The following DNAI4 variants were observed in gnomAD, a reference collection of about 807,000 sequenced individuals.
The protein encoded by DNAI4 is WD repeat domain 78.
DNAI4 carries 85 observed loss-of-function variants against 105.8 expected under a neutral mutation model. The observed-to-expected ratio is 0.80, with a 90% CI of 0.67 to 0.96. DNAI4 has a LOEUF of 0.96. Ranked by LOEUF, DNAI4 falls within the 40% of genes least tolerant of loss-of-function variation. The probability of loss-of-function intolerance (pLI) is 0.00; values close to 1 mark genes in which losing one functional copy is unlikely to be tolerated. For synonymous variants in DNAI4, 352 were observed against 331.5 expected (o/e 1.06, Z -0.67); for missense variants, 1,014 against 1,005.6 (o/e 1.01, Z -0.11).
At chr1:66,875,260 A>AT (rs1439659929) in intron 4 of DNAI4, among the ~76,000 whole-genome samples, 1 of 152,180 alleles carries the variant, frequency 6.6e-6, no homozygotes, top group African/African-American at 2.4e-5. Flanking sequence ...CTACTCAAGA[A>AT]TATGGAGGCA....
intron 1 of DNAI4, among the ~76,000 whole-genome samples, chr1:66,911,582 AC>A (rs1649660076): frequency 1.3e-5 from 2 of 152,238 alleles, no homozygotes; most frequent in Admixed American, 1.3e-4. Flanking sequence ...TCATTAGCAT[AC>A]AAAAAGACAA....
At position 66,871,282 on chromosome 1, in the gene DNAI4, T is replaced by C. The variant is rs1001125302; in HGVS notation, c.940+88A>G. 271 of 1,245,404 alleles carry C rather than the reference T, an allele frequency of 2.2e-4. 1 individual carries two copies. Among genetic ancestry groups the C allele is most frequent in the Non-Finnish European group, 2.0e-4 (188 of 919,270 alleles). The allele number at this position is 1,245,404 out of a possible 1,614,324, so 77.1% of individuals were successfully genotyped here. On this transcript the variant is annotated intron_variant, in intron 6 of 16. Coordinates refer to ENST00000371026, the MANE Select transcript of DNAI4 (RefSeq NM_024763.5). ...CCAAATTATTTTTATTTTTGCTTTA[T>C]ACATTTCAATATTCACTTGTCGATT...
intron 3 of DNAI4, 146 bp downstream of exon 3, chr1:66,893,083 A>AAGAG: frequency 2.6e-6 from 1 of 392,104 alleles, no homozygotes; most frequent in African/African-American, 2.2e-5. Flanking sequence ...GAAAGAAAGA[A>AAGAG]AGAAAGAAAG....
chr1:66,905,918 C>CTTTTTTTTT (rs34206774), intron 1 of DNAI4, among the ~76,000 whole-genome samples: 5 of 96,402 alleles, frequency 5.2e-5, no homozygotes, highest in Non-Finnish European at 7.8e-5. Flanking sequence ...TTATATACTA[C>CTTTTTTTTT]TTTTTTTTTT....
At chr1:66,865,415 C>T (rs1403672909) in intron 6 of DNAI4, among the ~76,000 whole-genome samples, 4 of 152,212 alleles carry the variant, frequency 2.6e-5, no homozygotes, top group Non-Finnish European at 5.9e-5. Context: ...CAGAGCAAGA[C>T]CCCATCTCAA....
Position 66,836,303 on chromosome 1 carries a change from AGAAAGAAAGAAAGAAAGAAAGAAG to A in DNAI4, c.1582-550_1582-527del, listed in dbSNP as rs1471711465. The stretch of plus-strand genomic sequence containing the variant: ...AAGAAAGAAAGAAAGAAAGAAAGAA[AGAAAGAAAGAAAGAAAGAAAGAAG>A]GAAAGAGGGAAGGAAGGGAGGAAAG... On this transcript the variant is annotated intron_variant, in intron 10 of 16. Transcript: ENST00000371026. Among the ~76,000 whole-genome samples the A allele has an allele frequency of 3.1e-4, 46 of 147,706 alleles. 1 individual carries two copies. Among genetic ancestry groups the A allele is most frequent in the African/African-American group, 1.2e-3 (46 of 39,938 alleles).
At chr1:66,895,335 G>T (rs981961141) in intron 2 of DNAI4, among the ~76,000 whole-genome samples, 1 of 152,116 alleles carries the variant, frequency 6.6e-6, no homozygotes, top group Non-Finnish European at 1.5e-5. Context: ...GAGAAAATTA[G>T]CACACACCTG....
Position 66,874,898 on chromosome 1 carries a change from G to A in DNAI4, c.683C>T (p.Thr228Ile). Residue 228 changes from threonine (T) to isoleucine (I), a missense_variant, in exon 5 of 17, where the codon ACA becomes ATA. Physicochemically the swap from Thr to Ile is moderately conservative, Grantham distance 89. Transcript: ENST00000371026. Reference sequence around the variant, plus strand: ...TATATTCTTCTCCAGGTCTTCTTTTGTTACAATTTTTTCAGGTGCTGCCCT... The same window carrying A: ...TATATTCTTCTCCAGGTCTTCTTTTATTACAATTTTTTCAGGTGCTGCCCT... The part of the protein sequence containing the change: ...VIRAAPEKIV[T>I]KEDLEKNIEI... 1 of 1,611,946 alleles carries A rather than the reference G, an allele frequency of 6.2e-7. No homozygotes were observed. Among genetic ancestry groups the A allele is most frequent in the South Asian group, 1.1e-5 (1 of 90,606 alleles).
At chr1:66,900,390 C>T (rs1012438547) in intron 2 of DNAI4, among the ~76,000 whole-genome samples, 3 of 152,044 alleles carry the variant, frequency 2.0e-5, no homozygotes, top group Non-Finnish European at 4.4e-5. Flanking sequence ...TGTGAGCCAC[C>T]GCGCCTGGCC....
chr1:66,893,063 G>GAGAGAGAGAGAGAA, intron 3 of DNAI4, among the ~76,000 whole-genome samples, 166 bp downstream of exon 3: 3 of 89,552 alleles, frequency 3.4e-5, no homozygotes, highest in African/African-American at 1.5e-4. Context: ...AAGAGAGAGA[G>GAGAGAGAGAGAGAA]AGAAAGAAAG....
chr1:66,845,866 G>A (rs1173665345), intron 8 of DNAI4, among the ~76,000 whole-genome samples: 1 of 151,752 alleles, frequency 6.6e-6, no homozygotes, highest in Non-Finnish European at 1.5e-5. Context: ...GGTGGGGGTT[G>A]GGGGGTGGGG....
At chr1:66,914,256 T>C (rs540267615) in intron 1 of DNAI4, among the ~76,000 whole-genome samples, 5 of 152,332 alleles carry the variant, frequency 3.3e-5, no homozygotes, top group African/African-American at 1.2e-4. Flanking sequence ...TAATATGGTC[T>C]TTGTGCACAT....
In DNAI4 at chr1:66,821,920, C is replaced by T. The variant is rs1645634816; in HGVS notation, c.2496+441G>A. Among the ~76,000 whole-genome samples, 7 of 151,956 alleles carry T rather than the reference C, an allele frequency of 4.6e-5. No homozygotes were observed. The Middle Eastern group carries it at 0.014, about 295-fold the overall frequency. On this transcript the variant is annotated intron_variant, in intron 16 of 16. Coordinates refer to ENST00000371026, the MANE Select transcript of DNAI4 (RefSeq NM_024763.5). ...ACACAAAACTTGGGTATTTGAAGAACGTGGAATAAGAGAATATGATAATGC... is the reference window on the plus strand; with the variant it reads ...ACACAAAACTTGGGTATTTGAAGAATGTGGAATAAGAGAATATGATAATGC...
At chr1:66,900,749 C>T (rs1011975029) in intron 2 of DNAI4, among the ~76,000 whole-genome samples, 2 of 151,994 alleles carry the variant, frequency 1.3e-5, no homozygotes, top group Non-Finnish European at 2.9e-5. Context: ...ATCATGTATC[C>T]GGCTGCCTTA....
chr1:66,826,996 T>G lies in DNAI4; in HGVS notation c.2163A>C (p.Leu721Phe). ...TAACACCCCAATCTGCAGAACAGCT[T>G]AAAAATACATCATGACAAAATGGAT... ...TWNPFCHDVF[L>F]SCSADWGVII... Residue 721 changes from leucine to phenylalanine, a missense_variant, in exon 15 of 17, where the codon TTA becomes TTC. By Grantham distance (22) the Leu-to-Phe change is conservative. Coordinates refer to ENST00000371026, the MANE Select transcript of DNAI4 (RefSeq NM_024763.5). The G allele has an allele frequency of 6.2e-7, 1 of 1,614,060 alleles. No homozygotes were observed. The highest frequency in any genetic ancestry group is 1.3e-5 in the African/African-American group (1 of 75,012).
intron 11 of DNAI4, 25 bp downstream of exon 11, chr1:66,835,598 TACA>T (rs1362870760): frequency 1.9e-6 from 3 of 1,606,226 alleles, no homozygotes; most frequent in Non-Finnish European, 2.6e-6. Context: ...GCATGTATTA[TACA>T]TTTATCTAAT....
rs530706900 is a variant in DNAI4, at chr1:66,830,705, C to T, written c.2014-2795G>A. Among the ~76,000 whole-genome samples the T allele has an allele frequency of 4.6e-5, 7 of 151,564 alleles. No individual in the cohort carries two copies. The East Asian group carries it at 1.4e-3, about 29-fold the overall frequency. ...CTGAGGTGGGAGAATTGCTTGAACC[C>T]AGGAGGCGGAGGTTGCAGTGAGCCA... is the stretch of plus-strand genomic sequence containing the variant. On this transcript the variant is annotated intron_variant, in intron 13 of 16. Coordinates refer to ENST00000371026, the MANE Select transcript of DNAI4 (RefSeq NM_024763.5).
intron 4 of DNAI4, among the ~76,000 whole-genome samples, chr1:66,889,490 G>T (rs1180873140): frequency 6.6e-6 from 1 of 152,128 alleles, no homozygotes; most frequent in East Asian, 1.9e-4. Context: ...AAAGCCAAAA[G>T]CTATCTCTTC....
intron 1 of DNAI4, chr1:66,907,007 T>C (rs888707999): frequency 5.9e-5 from 9 of 152,194 alleles, no homozygotes; most frequent in African/African-American, 1.7e-4. Flanking sequence ...TATTTTTTTC[T>C]CTTTTCCCTG....
Sources: allele counts gnomAD v4.1 joint callset (sites outside exome capture counted in the v4.1 genomes callset), GRCh38; gene constraint gnomAD v4.1.1; transcripts MANE v1.5; gene names NCBI Gene and HGNC (gene_info 2026-07-23, HGNC 2026-07-21).